TTC7A: variants seen among roughly 807,000 people sequenced by gnomAD.
The protein encoded by TTC7A is tetratricopeptide repeat protein 7A.
Under a neutral mutation model 103.7 loss-of-function variants are expected in TTC7A, and 110 were observed. The observed-to-expected ratio is 1.06, with a 90% confidence interval of 0.91 to 1.24. The LOEUF (loss-of-function observed/expected upper bound fraction) is 1.24. Ranked by LOEUF, TTC7A falls within the 50% of genes most tolerant of loss-of-function variation. TTC7A has a pLI of 0.00. For synonymous variants in TTC7A, 521 were observed against 467.9 expected (o/e 1.11, Z -1.47); for missense variants, 1,340 against 1,116.3 (o/e 1.20, Z -2.86).
chr2:46,953,174 G>A (rs1671555476), intron 2 of TTC7A, among the ~76,000 whole-genome samples: 1 of 152,080 alleles, frequency 6.6e-6, no homozygotes, highest in Non-Finnish European at 1.5e-5. Flanking sequence ...TCTTTTTTGA[G>A]ACAGGGTCTC....
At chr2:47,039,028 G>GGCAC (rs1168244587) in intron 15 of TTC7A, among the ~76,000 whole-genome samples, 2 of 152,176 alleles carry the variant, frequency 1.3e-5, no homozygotes, top group Admixed American at 1.3e-4. Context: ...CCTCTCTTGA[G>GGCAC]GGGTGACATG....
chr2:46,991,366 GC>G (rs1675612580), intron 5 of TTC7A, among the ~76,000 whole-genome samples: 2 of 151,976 alleles, frequency 1.3e-5, no homozygotes, highest in Non-Finnish European at 2.9e-5. Context: ...CGTGGTGGTG[GC>G]TCATGCCTGT....
chr2:46,993,980 G>A (rs1274019993), intron 6 of TTC7A, among the ~76,000 whole-genome samples: 2 of 152,144 alleles, frequency 1.3e-5, no homozygotes, highest in East Asian at 3.9e-4. Context: ...TATCAGAAAG[G>A]CACCTGAGAG....
chr2:46,949,305 G>A (rs925317111), intron 1 of TTC7A, among the ~76,000 whole-genome samples: 3 of 151,586 alleles, frequency 2.0e-5, no homozygotes, highest in Non-Finnish European at 2.9e-5. Context: ...GTGTGATCTC[G>A]GCTCACTGCA....
chr2:47,053,016 C>CGGCA (rs1461750826), intron 18 of TTC7A, among the ~76,000 whole-genome samples: 1 of 152,152 alleles, frequency 6.6e-6, no homozygotes, highest in African/African-American at 2.4e-5. Flanking sequence ...TCCTCACATA[C>CGGCA]GGCACATTAG....
chr2:46,958,494 G>A, intron 3 of TTC7A: 18 of 1,304,190 alleles, frequency 1.4e-5, no homozygotes, highest in Non-Finnish European at 1.8e-5. Flanking sequence ...CCTCTTTCCA[G>A]CATGCCTCCG....
intron 3 of TTC7A, among the ~76,000 whole-genome samples, chr2:46,970,343 G>A (rs543109222): frequency 1.3e-5 from 2 of 152,342 alleles, no homozygotes; most frequent in South Asian, 4.1e-4. Context: ...GCATGATGGG[G>A]AGGCCCCTGC....
chr2:46,966,591 C>CT (rs11336534), intron 3 of TTC7A, among the ~76,000 whole-genome samples: 2,348 of 145,394 alleles, frequency 0.016, 62 homozygotes, highest in African/African-American at 0.054. Context: ...TATGCTAAAT[C>CT]TTTTTTTTTT....
chr2:47,020,339 C>T (rs1251462524), intron 11 of TTC7A, among the ~76,000 whole-genome samples: 1 of 152,206 alleles, frequency 6.6e-6, no homozygotes, highest in Non-Finnish European at 1.5e-5. Flanking sequence ...AGTCCTGCTG[C>T]CACGTGGCCT....
chr2:46,981,250 A>G (rs925610959), intron 5 of TTC7A, among the ~76,000 whole-genome samples: 5 of 150,962 alleles, frequency 3.3e-5, no homozygotes, highest in Non-Finnish European at 1.5e-5. Flanking sequence ...TTTAACAACC[A>G]CAACAAAATA....
intron 3 of TTC7A, among the ~76,000 whole-genome samples, chr2:46,957,627 G>T (rs1386154514): frequency 6.6e-6 from 1 of 152,218 alleles, no homozygotes; most frequent in Admixed American, 6.5e-5. Flanking sequence ...ATGGGTCAGT[G>T]ATGTAGGAAT....
intron 2 of TTC7A, among the ~76,000 whole-genome samples, chr2:46,934,732 CT>C (rs144800160): frequency 0.096 from 14,335 of 149,976 alleles, 763 homozygotes; most frequent in Middle Eastern, 0.12. Context: ...AAAACCATCA[CT>C]TTTGCCCTAT....
intron 3 of TTC7A, among the ~76,000 whole-genome samples, chr2:46,961,990 G>A (rs1672422163): frequency 6.6e-6 from 1 of 152,170 alleles, no homozygotes; most frequent in Non-Finnish European, 1.5e-5. Flanking sequence ...CACTCCCTTG[G>A]CAGAACCCTC....
intron 10 of TTC7A, among the ~76,000 whole-genome samples, chr2:47,008,407 G>A (rs1247314277): frequency 6.6e-6 from 1 of 152,226 alleles, no homozygotes; most frequent in African/African-American, 2.4e-5. Flanking sequence ...GGAGTCTTCT[G>A]CCTCTGACTA....
At chr2:47,045,047 C>T (rs891217976) in intron 15 of TTC7A, among the ~76,000 whole-genome samples, 1 of 152,216 alleles carries the variant, frequency 6.6e-6, no homozygotes, top group Non-Finnish European at 1.5e-5. Flanking sequence ...CTGGTAGAAC[C>T]TCCGGGCAGT....
At chr2:47,072,443 G>A (rs903378409) in intron 19 of TTC7A, among the ~76,000 whole-genome samples, 2 of 152,202 alleles carry the variant, frequency 1.3e-5, no homozygotes, top group East Asian at 1.9e-4. Context: ...CACTCCCACC[G>A]AACTGGTTGT....
chr2:46,974,017 C>A, intron 3 of TTC7A, among the ~76,000 whole-genome samples: 1 of 152,218 alleles, frequency 6.6e-6, no homozygotes, highest in East Asian at 1.9e-4. Flanking sequence ...CCCGCCTTGC[C>A]TGGTGGTGAA....
intron 3 of TTC7A, among the ~76,000 whole-genome samples, chr2:46,960,842 GCCT>G (rs148998250): frequency 0.12 from 18,493 of 152,198 alleles, 1,269 homozygotes; most frequent in African/African-American, 0.19. Context: ...GATTACAGTT[GCCT>G]CCAAGATGGG....
intron 3 of TTC7A, among the ~76,000 whole-genome samples, chr2:46,973,104 G>A (rs1673517186): frequency 6.6e-6 from 1 of 152,074 alleles, no homozygotes; most frequent in Non-Finnish European, 1.5e-5. Context: ...AATGCACCCC[G>A]AGGGGCTCTT....
Sources: gnomAD v4.1 joint callset for allele counts (sites outside exome capture counted in the v4.1 genomes callset) on GRCh38, gnomAD v4.1.1 for gene constraint, MANE v1.5 for transcripts, NCBI Gene and HGNC (gene_info 2026-07-23, HGNC 2026-07-21) for gene names.